RBM26: variants seen among roughly 807,000 people sequenced by gnomAD.
The protein encoded by RBM26 is RNA-binding protein 26.
A neutral mutation model predicts 123.6 loss-of-function variants in RBM26; 30 were observed. That is an observed-to-expected ratio of 0.24 (90% confidence interval 0.18 to 0.33). The LOEUF is 0.33. Ranked by LOEUF, RBM26 falls within the 10% of genes least tolerant of loss-of-function variation. The probability of loss-of-function intolerance (pLI) is 1.00; values close to 1 mark genes in which losing one functional copy is unlikely to be tolerated. For synonymous variants in RBM26, 400 were observed against 404.4 expected (o/e 0.99, Z 0.13); for missense variants, 947 against 1,203.6 (o/e 0.79, Z 3.15).
At chr13:79,367,406 C>CAAAAAAAAAAA (rs776345304) in intron 6 of RBM26, among the ~76,000 whole-genome samples, 26 of 39,652 alleles carry the variant, frequency 6.6e-4, no homozygotes, top group East Asian at 1.7e-3. Flanking sequence ...GACTCCATCT[C>CAAAAAAAAAAA]AAAAAAAAAA....
chr13:79,317,517 T>C (rs2067265057), downstream of RBM26, among the ~76,000 whole-genome samples: 2 of 151,650 alleles, frequency 1.3e-5, no homozygotes, highest in South Asian at 2.1e-4. Flanking sequence ...AAATATCATA[T>C]AAACCTTGTC....
chr13:79,404,333 G>T (rs2079320742), intron 1 of RBM26, among the ~76,000 whole-genome samples: 1 of 151,972 alleles, frequency 6.6e-6, no homozygotes, highest in Non-Finnish European at 1.5e-5. Flanking sequence ...AATGTATTTG[G>T]ATCTGCCTGT....
intron 1 of RBM26, among the ~76,000 whole-genome samples, chr13:79,402,763 A>G (rs2140581911): frequency 6.6e-6 from 1 of 152,286 alleles, no homozygotes. Flanking sequence ...TGAGATAAAC[A>G]TTACACCAGG....
chr13:79,371,981 T>C, intron 3 of RBM26, 51 bp from the exon 4 acceptor site: 2 of 1,255,732 alleles, frequency 1.6e-6, no homozygotes, highest in South Asian at 1.2e-5. Flanking sequence ...TATTCCACTG[T>C]TAAATAGCCT....
chr13:79,386,114 A>C (rs2077457557), intron 1 of RBM26, among the ~76,000 whole-genome samples: 1 of 151,992 alleles, frequency 6.6e-6, no homozygotes, highest in Non-Finnish European at 1.5e-5. Flanking sequence ...AAAACACAAA[A>C]ACTATTTTTC....
In RBM26 at chr13:79,322,405, G is replaced by T. The variant is rs753962728; in HGVS notation, c.2878C>A (p.Pro960Thr). 1.2e-5 allele frequency: 19 copies of T among 1,581,836 alleles called. No individual in the cohort carries two copies. The highest frequency in any genetic ancestry group is 1.6e-5 in the Non-Finnish European group (19 of 1,166,990). The change falls in exon 21 of 22, where the codon CCA (proline) becomes ACA (threonine). Residue 960 changes from proline (P) to threonine (T), a missense_variant. Pro to Thr is a conservative substitution (Grantham distance 38). Coordinates refer to ENST00000438737, the MANE Select transcript of RBM26 (RefSeq NM_001366735.2). ...TCAACAGCTGAAATATTAGTTACTGGTTTATTCCATGCCAGTTTTAGATCT... is the reference window on the plus strand; with the variant it reads ...TCAACAGCTGAAATATTAGTTACTGTTTTATTCCATGCCAGTTTTAGATCT... ...GQDLKLAWNK[P>T]VTNISAVETE...
In RBM26 at chr13:79,353,203, T is replaced by C; in HGVS notation, c.2008A>G (p.Lys670Glu). The C allele has an allele frequency of 6.3e-7, 1 of 1,586,134 alleles. No individual in the cohort carries two copies. The highest frequency in any genetic ancestry group is 1.3e-5 in the African/African-American group (1 of 74,592). The change falls in exon 14 of 22, where the codon AAG becomes GAG. Residue 670 changes from lysine to glutamate, a missense_variant. Transcript: ENST00000438737. Reference protein sequence around the residue: ...LPQNVTKLSVKDRLGFVSKPS... With the variant: ...LPQNVTKLSVEDRLGFVSKPS... Reference sequence around the variant, plus strand: ...TTTGATACAAAACCCAACCTGTCCTTCACAGATAACTTAGTTACATTCTAA... The same window carrying C: ...TTTGATACAAAACCCAACCTGTCCTCCACAGATAACTTAGTTACATTCTAA...
intron 1 of RBM26, among the ~76,000 whole-genome samples, chr13:79,391,383 A>G (rs1296124661): frequency 6.6e-6 from 1 of 152,238 alleles, no homozygotes; most frequent in Non-Finnish European, 1.5e-5. Context: ...AAACCCCATG[A>G]AATAAAGGAT....
chr13:79,342,056 T>C (rs545319985), intron 17 of RBM26, among the ~76,000 whole-genome samples: 4 of 151,848 alleles, frequency 2.6e-5, no homozygotes, highest in Non-Finnish European at 5.9e-5. Flanking sequence ...AATAATAATA[T>C]ATTGATATTA....
At position 79,319,970 on chromosome 13, in the gene RBM26, T is replaced by TTTTC; in HGVS notation, c.*650_*651insGAAA. On this transcript the variant is annotated 3_prime_UTR_variant, in exon 22 of 22. Coordinates refer to ENST00000438737, the MANE Select transcript of RBM26 (RefSeq NM_001366735.2). Reference sequence around the variant, plus strand: ...TTGGCTTTTTTTTTTTTTTTTTTTTTGTCATTGCTTTTCTCTTTTCTTTCC... The same window carrying TTTTC: ...TTGGCTTTTTTTTTTTTTTTTTTTTTTTTCGTCATTGCTTTTCTCTTTTCTTTCC... The TTTTC allele has an allele frequency of 2.2e-6, 1 of 457,406 alleles. No homozygotes were observed. Among genetic ancestry groups the TTTTC allele is most frequent in the Non-Finnish European group, 2.7e-6 (1 of 371,430 alleles). The allele number at this position is 457,406 out of a possible 1,614,324, so 28.3% of individuals were successfully genotyped here.
Position 79,358,394 on chromosome 13 carries a change from C to A in RBM26, c.1569G>T (p.Lys523Asn), listed in dbSNP as rs2074276968. ...TATTTTCATTTCCAAATTGAACCTT[C>A]TTCTGAAAGCCTGGGCTGTTTGTTC... ...FNRTNSPGFQ[K>N]KVQFGNENTK... The change falls in exon 11 of 22, where the codon AAG becomes AAT. Residue 523 changes from lysine (K) to asparagine (N), a missense_variant. Lys to Asn is a moderately conservative substitution (Grantham distance 94, BLOSUM62 0). Coordinates refer to ENST00000438737, the MANE Select transcript of RBM26 (RefSeq NM_001366735.2). 1.2e-6 allele frequency: 2 copies of A among 1,611,460 alleles called. No homozygotes were observed. The highest frequency in any genetic ancestry group is 1.7e-6 in the Non-Finnish European group (2 of 1,179,376).
chr13:79,320,003 T>G lies in RBM26; in HGVS notation c.*618A>C, dbSNP rs1271857612. 251 of 946,030 alleles carry G rather than the reference T, an allele frequency of 2.7e-4. No individual in the cohort carries two copies. The highest frequency in any genetic ancestry group is 3.1e-4 in the Non-Finnish European group (246 of 797,046). The allele number at this position is 946,030 out of a possible 1,614,324, so 58.6% of individuals were successfully genotyped here. On this transcript the variant is annotated 3_prime_UTR_variant, in exon 22 of 22. Coordinates refer to ENST00000438737, the MANE Select transcript of RBM26 (RefSeq NM_001366735.2). ...CTTTTCTCTTTTCTTTCCTTTTTTTTTTTTAAAGAGACCATTCCACTTTAT... is the reference window on the plus strand; with the variant it reads ...CTTTTCTCTTTTCTTTCCTTTTTTTGTTTTAAAGAGACCATTCCACTTTAT...
At chr13:79,352,258 G>A (rs1415162874) in intron 14 of RBM26, among the ~76,000 whole-genome samples, 1 of 152,144 alleles carries the variant, frequency 6.6e-6, no homozygotes, top group African/African-American at 2.4e-5. Flanking sequence ...CCAATCTTCA[G>A]ACTGAAAAGA....
At chr13:79,400,829 T>C (rs2079001722) in intron 1 of RBM26, among the ~76,000 whole-genome samples, 1 of 152,176 alleles carries the variant, frequency 6.6e-6, no homozygotes, top group Non-Finnish European at 1.5e-5. Flanking sequence ...GGTAAGTAAT[T>C]TTGGTTGTAA....
chr13:79,353,742 A>C (rs2073600237), intron 13 of RBM26, among the ~76,000 whole-genome samples: 1 of 152,312 alleles, frequency 6.6e-6, no homozygotes, highest in East Asian at 1.9e-4. Flanking sequence ...GACTACTTTA[A>C]TAAGGTGGCA....
In RBM26 at chr13:79,319,972, T is replaced by TTTTTA; in HGVS notation, c.*648_*649insTAAAA. ...GGCTTTTTTTTTTTTTTTTTTTTTGTCATTGCTTTTCTCTTTTCTTTCCTT... is the reference window on the plus strand; with the variant it reads ...GGCTTTTTTTTTTTTTTTTTTTTTGTTTTTACATTGCTTTTCTCTTTTCTTTCCTT... On this transcript the variant is annotated 3_prime_UTR_variant, in exon 22 of 22. Transcript: ENST00000438737. 2 of 429,208 alleles carry TTTTTA rather than the reference T, an allele frequency of 4.7e-6. No individual in the cohort carries two copies. The highest frequency in any genetic ancestry group is 5.7e-6 in the Non-Finnish European group (2 of 353,156). 26.6% of individuals were successfully genotyped at this position (429,208 alleles called of 1,614,324 possible). A position where few individuals can be genotyped will look rare whatever the true frequency, so the allele number is the denominator to read the frequency against.
In RBM26 at chr13:79,379,371, C is replaced by CAA. The variant is rs1160901778; in HGVS notation, c.72-466_72-465dup. ...CAAAATGGCGAAACCCAGTCTCTACCAAAAAAAAAAAAAAAAAAAAAAAAA... is the reference window on the plus strand; with the variant it reads ...CAAAATGGCGAAACCCAGTCTCTACCAAAAAAAAAAAAAAAAAAAAAAAAAAA... On this transcript the variant is annotated intron_variant, in intron 1 of 21. Transcript: ENST00000438737. Among the ~76,000 whole-genome samples the CAA allele has an allele frequency of 2.5e-4, 20 of 79,444 alleles. No homozygotes were observed. In the East Asian group the frequency reaches 3.5e-3, roughly 14 times the overall value. The allele number at this position is 79,444 out of a possible 152,430, so 52.1% of individuals were successfully genotyped here. A position where few individuals can be genotyped will look rare whatever the true frequency, so the allele number is the denominator to read the frequency against.
chr13:79,361,196 A>T (rs2074641192), intron 9 of RBM26, among the ~76,000 whole-genome samples: 1 of 152,074 alleles, frequency 6.6e-6, no homozygotes, highest in South Asian at 2.1e-4. Context: ...CATTTTCCCA[A>T]TCATCCCAGT....
rs772252917 is a variant in RBM26, at chr13:79,355,373, A to G, written c.1701T>C (p.Asn567=). Residue 567 remains asparagine (N), a synonymous_variant, in exon 12 of 22, where the codon AAT becomes AAC. Coordinates refer to ENST00000438737, the MANE Select transcript of RBM26 (RefSeq NM_001366735.2). ...GTLVNLQVAY[N]GDPEGALIQF... is the part of the protein sequence containing the mutation. ...GGATTAGGGCACCTTCAGGATCACC[A>G]TTATAAGCAACCTAAGATTTAAAAT... 6 of 1,612,840 alleles carry G rather than the reference A, an allele frequency of 3.7e-6. No individual in the cohort carries two copies. Among genetic ancestry groups the G allele is most frequent in the South Asian group, 1.1e-5 (1 of 91,004 alleles).
Sources: allele counts gnomAD v4.1 joint callset (sites outside exome capture counted in the v4.1 genomes callset), GRCh38; gene constraint gnomAD v4.1.1; transcripts MANE v1.5; gene names NCBI Gene and HGNC (gene_info 2026-07-23, HGNC 2026-07-21).